The following PPP1R16B variants were observed in gnomAD, a reference collection of about 807,000 sequenced individuals.
PPP1R16B encodes the protein protein phosphatase 1 regulatory inhibitor subunit 16B.
A neutral mutation model predicts 61.7 loss-of-function variants in PPP1R16B; 14 were observed. The observed-to-expected ratio is 0.23, with a 90% CI of 0.15 to 0.35. The LOEUF (loss-of-function observed/expected upper bound fraction) is 0.35, where lower values mean the gene tolerates loss of function less well. PPP1R16B is among the 10% of genes least tolerant of loss of function. The probability of loss-of-function intolerance (pLI) is 1.00; values close to 1 mark genes in which losing one functional copy is unlikely to be tolerated. For missense variants in PPP1R16B, 547 were observed against 752.5 expected, an observed-to-expected ratio of 0.73 and a Z score of 3.19; for synonymous variants, 266 against 305.3, an observed-to-expected ratio of 0.87 and a Z score of 1.34.
intron 2 of PPP1R16B, among the ~76,000 whole-genome samples, chr20:38,876,938 G>T (rs1320054009): frequency 2.0e-5 from 3 of 152,118 alleles, no homozygotes; most frequent in African/African-American, 7.2e-5. Flanking sequence ...TTTTTCCAAT[G>T]AAAAGTGTGT....
At chr20:38,842,745 T>C (rs117251361) in intron 2 of PPP1R16B, among the ~76,000 whole-genome samples, 23 of 152,140 alleles carry the variant, frequency 1.5e-4, no homozygotes, top group African/African-American at 4.6e-4. Context: ...ACCACCATCT[T>C]AAACCAGCAG....
chr20:38,874,289 A>G (rs2085150950), intron 2 of PPP1R16B, among the ~76,000 whole-genome samples: 1 of 152,112 alleles, frequency 6.6e-6, no homozygotes. Context: ...TGGGCCCTAC[A>G]TTCCTGAGGG....
chr20:38,810,500 A>G (rs942883432), intron 1 of PPP1R16B, among the ~76,000 whole-genome samples: 2 of 152,130 alleles, frequency 1.3e-5, no homozygotes, highest in Non-Finnish European at 2.9e-5. Context: ...TTCCCTCTTC[A>G]TTCCACCCAG....
In PPP1R16B at chr20:38,875,391, T is replaced by A. The variant is rs2085158598; in HGVS notation, c.251-14204T>A. 2.0e-5 allele frequency among the ~76,000 whole-genome samples: 3 copies of A among 152,192 alleles called. No individual in the cohort carries two copies. The South Asian group carries it at 6.2e-4, about 32-fold the overall frequency. On this transcript the variant is annotated intron_variant, in intron 2 of 10. Transcript: ENST00000299824. ...CTCTCTGCCCACCCAGCTGCCCTGG[T>A]TTCTGCTGCTGCACGGGCAGAAGAT... is the stretch of plus-strand genomic sequence containing the variant.
intron 2 of PPP1R16B, among the ~76,000 whole-genome samples, chr20:38,853,179 C>A (rs968052790): frequency 1.3e-5 from 2 of 152,162 alleles, no homozygotes; most frequent in Non-Finnish European, 2.9e-5. Flanking sequence ...CAACAATCGC[C>A]AAAGCTGGAG....
At chr20:38,840,045 A>T (rs1433138958) in intron 2 of PPP1R16B, among the ~76,000 whole-genome samples, 1 of 152,220 alleles carries the variant, frequency 6.6e-6, no homozygotes, top group East Asian at 1.9e-4. Context: ...GCTCTGTGGC[A>T]GGCTCGTGGG....
At chr20:38,848,104 G>C (rs944071548) in intron 2 of PPP1R16B, among the ~76,000 whole-genome samples, 3 of 152,162 alleles carry the variant, frequency 2.0e-5, no homozygotes, top group African/African-American at 7.2e-5. Flanking sequence ...GCAGAGTTGA[G>C]TTGTAACAGC....
At chr20:38,889,755 C>CAGGGAGGAGGGAATGAGGG (rs2085278471) in intron 3 of PPP1R16B, 90 bp downstream of exon 3, 2 of 1,333,630 alleles carry the variant, frequency 1.5e-6, no homozygotes, top group Non-Finnish European at 2.2e-6. Context: ...TCAGAACCCT[C>CAGGGAGGAGGGAATGAGGG]AGGGAGGAGG....
At chr20:38,876,199 C>G (rs1458876847) in intron 2 of PPP1R16B, among the ~76,000 whole-genome samples, 4 of 152,102 alleles carry the variant, frequency 2.6e-5, no homozygotes, top group Non-Finnish European at 5.9e-5. Flanking sequence ...TCTCGAACTC[C>G]TGACCTCAGG....
At chr20:38,849,169 G>A (rs951070857) in intron 2 of PPP1R16B, among the ~76,000 whole-genome samples, 1 of 152,086 alleles carries the variant, frequency 6.6e-6, no homozygotes, top group African/African-American at 2.4e-5. Flanking sequence ...GTCTTAAAAG[G>A]AGGGCTTTGG....
Position 38,908,210 on chromosome 20 carries a change from C to T in PPP1R16B, c.1194+17C>T. ...AAGGACCCTGTGAGTGGCCTCACGCCCTGCCCTAGTGTCAGCCACTGCAAT... is the reference window on the plus strand; with the variant it reads ...AAGGACCCTGTGAGTGGCCTCACGCTCTGCCCTAGTGTCAGCCACTGCAAT... On this transcript the variant is annotated intron_variant, in intron 10 of 10. Transcript: ENST00000299824. 1 of 1,613,920 alleles carries T rather than the reference C, an allele frequency of 6.2e-7. No individual in the cohort carries two copies. Among genetic ancestry groups the T allele is most frequent in the Non-Finnish European group, 8.5e-7 (1 of 1,179,898 alleles).
At chr20:38,873,128 TGG>T in intron 2 of PPP1R16B, 1 of 152,290 alleles carries the variant, frequency 6.6e-6, no homozygotes, top group South Asian at 2.1e-4. Context: ...TGGGGAAGCC[TGG>T]GCTGTGCTCC....
chr20:38,858,130 G>T (rs1191080874), intron 2 of PPP1R16B, among the ~76,000 whole-genome samples: 3 of 152,012 alleles, frequency 2.0e-5, no homozygotes, highest in Admixed American at 6.6e-5. Context: ...CCCATCATGG[G>T]GGCCCCATCA....
intron 2 of PPP1R16B, among the ~76,000 whole-genome samples, chr20:38,874,208 G>A (rs528589192): frequency 5.9e-5 from 9 of 152,274 alleles, no homozygotes; most frequent in South Asian, 2.1e-4. Context: ...GCCTTATCTT[G>A]TAGTCAGTCC....
chr20:38,913,137 C>T (rs2085505899), intron 10 of PPP1R16B, among the ~76,000 whole-genome samples: 1 of 152,144 alleles, frequency 6.6e-6, no homozygotes, highest in Non-Finnish European at 1.5e-5. Flanking sequence ...TCCCAGAGTG[C>T]TGGGATTACA....
rs148704863 is a variant in PPP1R16B, at chr20:38,895,603, C to T, written c.360C>T (p.Leu120=). Residue 120 remains leucine, a synonymous_variant, in exon 4 of 11, where the codon CTC becomes CTT. Transcript: ENST00000299824. ...ACTTTGAGGAAATTGTGAAGCTGCT[C>T]CTCTCCCATGGTGCCAATGTGAACG... ...IDNFEEIVKL[L]LSHGANVNAK... is the part of the protein sequence containing the mutation. The T allele has an allele frequency of 1.2e-6, 2 of 1,613,736 alleles. No homozygotes were observed. Among genetic ancestry groups the T allele is most frequent in the Middle Eastern group, 1.6e-4 (1 of 6,062 alleles).
At chr20:38,865,420 G>C (rs936674440) in intron 2 of PPP1R16B, among the ~76,000 whole-genome samples, 5 of 151,946 alleles carry the variant, frequency 3.3e-5, no homozygotes, top group African/African-American at 4.8e-5. Flanking sequence ...CTTCCGAGTA[G>C]CTGGGACTAC....
chr20:38,897,709 C>A (rs2085360434), intron 4 of PPP1R16B, among the ~76,000 whole-genome samples: 1 of 152,200 alleles, frequency 6.6e-6, no homozygotes, highest in South Asian at 2.1e-4. Flanking sequence ...ACATTCCCAC[C>A]AACAGTACAC....
intron 5 of PPP1R16B, 40 bp downstream of exon 5, chr20:38,900,724 G>A: frequency 7.0e-7 from 1 of 1,435,978 alleles, no homozygotes; most frequent in East Asian, 2.6e-5. Flanking sequence ...GCACAGCACA[G>A]AGTTGCAGAG....
Sources: gnomAD v4.1 joint callset for allele counts (sites outside exome capture counted in the v4.1 genomes callset) on GRCh38, gnomAD v4.1.1 for gene constraint, MANE v1.5 for transcripts, NCBI Gene and HGNC (gene_info 2026-07-23, HGNC 2026-07-21) for gene names.